Variants in TJP1 observed in about 807,000 individuals in gnomAD.
TJP1 encodes the protein tight junction protein 1.
A neutral mutation model predicts 194.2 loss-of-function variants in TJP1; 43 were observed. The observed-to-expected ratio is 0.22, with a 90% CI of 0.17 to 0.29. TJP1 has a LOEUF of 0.29. Ranked by LOEUF, TJP1 falls within the 10% of genes least tolerant of loss-of-function variation. The pLI, the probability that TJP1 is intolerant of heterozygous loss-of-function variation, is 1.00. For missense variants in TJP1, 1,971 were observed against 2,185.7 expected (o/e 0.90, Z 1.96); for synonymous variants, 801 against 779.0 (o/e 1.03, Z -0.47).
chr15:29,963,354 T>C (rs547063659), intron 1 of TJP1, among the ~76,000 whole-genome samples: 2 of 152,308 alleles, frequency 1.3e-5, no homozygotes, highest in East Asian at 1.9e-4. Context: ...CCTTGATCAA[T>C]TGTATGAGTC....
chr15:29,917,005 C>T (rs187734146), intron 2 of TJP1, among the ~76,000 whole-genome samples: 1 of 152,288 alleles, frequency 6.6e-6, no homozygotes, highest in Admixed American at 6.5e-5. Context: ...TATTTTTCAA[C>T]CCCTTTAGAG....
intron 2 of TJP1, among the ~76,000 whole-genome samples, chr15:29,886,341 A>T (rs785424): frequency 0.084 from 12,734 of 152,238 alleles, 607 homozygotes; most frequent in South Asian, 0.12. Flanking sequence ...GGCCAATGTT[A>T]AAAGATATGA....
At chr15:29,751,657 C>G (rs1255524580) in intron 8 of TJP1, among the ~76,000 whole-genome samples, 2 of 152,118 alleles carry the variant, frequency 1.3e-5, no homozygotes, top group African/African-American at 4.8e-5. Context: ...TTGACTAATA[C>G]TTATGACTAA....
rs977476179 is a variant in TJP1 at position 29,700,473 on chromosome 15, G to A, written c.*1122C>T. The A allele has an allele frequency of 5.0e-6, 2 of 398,854 alleles. No homozygotes were observed. The highest frequency in any genetic ancestry group is 3.6e-5 in the East Asian group (1 of 28,054). 24.7% of individuals were successfully genotyped at this position (398,854 alleles called of 1,614,324 possible). On this transcript the variant is annotated 3_prime_UTR_variant, in exon 28 of 28. Transcript: ENST00000614355. ...TTTCTTAAAAAAAATGACCTTGCAT[G>A]TGTCATAGAAACGCTGCTTTATTGC... is the stretch of plus-strand genomic sequence containing the variant.
chr15:29,799,226 A>C (rs2048617825), intron 2 of TJP1, among the ~76,000 whole-genome samples: 2 of 152,138 alleles, frequency 1.3e-5, no homozygotes, highest in African/African-American at 4.8e-5. Flanking sequence ...CACTAGTCAT[A>C]AGGTAAGAAG....
At chr15:29,720,181 C>T (rs1422362007) in intron 19 of TJP1, 165 bp from the exon 20 acceptor site, 21 of 1,127,882 alleles carry the variant, frequency 1.9e-5, no homozygotes, top group South Asian at 1.3e-4. Flanking sequence ...CAGTACATTG[C>T]TGTGTTAAGA....
At chr15:29,817,851 T>C (rs2050039397) in intron 1 of TJP1, among the ~76,000 whole-genome samples, 1 of 151,608 alleles carries the variant, frequency 6.6e-6, no homozygotes, top group Non-Finnish European at 1.5e-5. Flanking sequence ...CCCGGGTTGG[T>C]GGTGGGGGGA....
At chr15:29,834,039 G>A (rs71470924) in intron 2 of TJP1, among the ~76,000 whole-genome samples, 3 of 132,746 alleles carry the variant, frequency 2.3e-5, no homozygotes, top group Non-Finnish European at 4.8e-5. Flanking sequence ...CCGCCACCAC[G>A]CCCGGCTAAT....
intron 8 of TJP1, among the ~76,000 whole-genome samples, chr15:29,744,916 T>C (rs1220968648): frequency 1.3e-5 from 2 of 152,208 alleles, no homozygotes; most frequent in Non-Finnish European, 2.9e-5. Flanking sequence ...ATAAATAAAA[T>C]ACTAGCTAGG....
rs200968802 is a variant in TJP1, at chr15:29,796,355, A to AAAAC, written c.84+4290_84+4291insGTTT. Among the ~76,000 whole-genome samples the AAAAC allele has an allele frequency of 2.9e-3, 446 of 151,806 alleles. 9 individuals carry two copies. The East Asian group carries it at 0.062, about 21-fold the overall frequency. The stretch of plus-strand genomic sequence containing the variant: ...AAGGTTGCTATAAAAAAAAAAACAA[A>AAAAC]AAAAAACCTGCATTTCTACACAGTA... On this transcript the variant is annotated intron_variant, in intron 2 of 27. Transcript: ENST00000614355.
At chr15:29,747,259 T>A (rs1277801296) in intron 8 of TJP1, among the ~76,000 whole-genome samples, 2 of 152,186 alleles carry the variant, frequency 1.3e-5, no homozygotes, top group African/African-American at 2.4e-5. Flanking sequence ...CACTCCAGCC[T>A]GGGCAAGACA....
chr15:29,765,363 G>A (rs2046268158), intron 5 of TJP1, among the ~76,000 whole-genome samples: 1 of 152,142 alleles, frequency 6.6e-6, no homozygotes, highest in Non-Finnish European at 1.5e-5. Context: ...AGTAAGTCTT[G>A]ATAATATTCC....
chr15:29,708,994 T>C lies in TJP1; in HGVS notation c.4415A>G (p.Lys1472Arg), dbSNP rs1055903586. ...ATTCTGAGATGGAGGTGGGTCTGGT[T>C]TGGACACTAAGGAATTCTGAAAATC... ...SLDFQNSLVS[K>R]PDPPPSQNKP... The change falls in exon 25 of 28, where the codon AAA becomes AGA. Residue 1472 changes from lysine to arginine, a missense_variant. Physicochemically the swap from Lys to Arg is conservative, Grantham distance 26 (BLOSUM62 2). Transcript: ENST00000614355. The C allele has an allele frequency of 6.2e-7, 1 of 1,613,858 alleles. No homozygotes were observed. Among genetic ancestry groups the C allele is most frequent in the African/African-American group, 1.3e-5 (1 of 74,896 alleles).
At chr15:29,738,815 C>T (rs2044201196) in intron 10 of TJP1, among the ~76,000 whole-genome samples, 1 of 131,188 alleles carries the variant, frequency 7.6e-6, no homozygotes, top group South Asian at 2.4e-4. Flanking sequence ...CTGCTTGAGC[C>T]TAGGAGTTTG....
At chr15:29,955,785 A>C (rs2055918048) in intron 2 of TJP1, among the ~76,000 whole-genome samples, 1 of 144,910 alleles carries the variant, frequency 6.9e-6, no homozygotes, top group Non-Finnish European at 1.5e-5. Flanking sequence ...AAAAAAAAAG[A>C]ATAGAAAGAA....
At chr15:29,706,389 G>A (rs1476898064) in intron 25 of TJP1, among the ~76,000 whole-genome samples, 1 of 152,136 alleles carries the variant, frequency 6.6e-6, no homozygotes, top group East Asian at 1.9e-4. Context: ...CCCAACTACA[G>A]GTGAAGCATC....
intron 2 of TJP1, among the ~76,000 whole-genome samples, chr15:29,914,441 G>C (rs1193078468): frequency 6.6e-6 from 1 of 152,156 alleles, no homozygotes; most frequent in Non-Finnish European, 1.5e-5. Context: ...CAGCAGGACA[G>C]TGAGATTTTG....
At position 29,843,019 on chromosome 15, in the gene TJP1, C is replaced by T. The variant is rs942287163; in HGVS notation, c.307-42317G>A. 7.9e-5 allele frequency among the ~76,000 whole-genome samples: 12 copies of T among 151,894 alleles called. No homozygotes were observed. In the East Asian group the frequency reaches 9.6e-4, roughly 12 times the overall value. On this transcript the variant is annotated intron_variant, in intron 2 of 28. Transcript: ENST00000356107. ...AAAGTCATTGCTATAAAGATTAAAA[C>T]GAACTCCTGTATGAGAAAGTAAATA... is the stretch of plus-strand genomic sequence containing the variant.
At chr15:29,921,327 G>C (rs995559694) in intron 2 of TJP1, among the ~76,000 whole-genome samples, 19 of 152,060 alleles carry the variant, frequency 1.2e-4, no homozygotes, top group Non-Finnish European at 1.5e-4. Context: ...CTGCCTCATA[G>C]GTGCTTCCGC....
Sources: gnomAD v4.1 joint callset for allele counts (sites outside exome capture counted in the v4.1 genomes callset) on GRCh38, gnomAD v4.1.1 for gene constraint, MANE v1.5 for transcripts, NCBI Gene and HGNC (gene_info 2026-07-23, HGNC 2026-07-21) for gene names.